The following ZFHX3 variants were observed in gnomAD, a reference collection of about 807,000 sequenced individuals.
The protein encoded by ZFHX3 is zinc finger homeobox protein 3.
Under a neutral mutation model 279.1 loss-of-function variants are expected in ZFHX3, and 42 were observed. The observed-to-expected ratio is 0.15, with a 90% CI of 0.12 to 0.19. The LOEUF (loss-of-function observed/expected upper bound fraction) is 0.19, where lower values mean the gene tolerates loss of function less well. Among genes scored for constraint, ZFHX3 ranks in the 10% least tolerant of loss-of-function variants. The pLI, the probability that ZFHX3 is intolerant of heterozygous loss-of-function variation, is 1.00. For synonymous variants in ZFHX3, 2,293 were observed against 1,957.8 expected (o/e 1.17, Z -4.52); for missense variants, 4,981 against 4,754.0 (o/e 1.05, Z -1.40).
intron 1 of ZFHX3, among the ~76,000 whole-genome samples, chr16:73,711,343 A>G (rs970634104): frequency 6.6e-6 from 1 of 152,238 alleles, no homozygotes; most frequent in Non-Finnish European, 1.5e-5. Flanking sequence ...AGAAGTCAGG[A>G]TTTAATAATT....
chr16:73,534,582 G>T (rs1228570665), intron 2 of ZFHX3, among the ~76,000 whole-genome samples: 1 of 152,162 alleles, frequency 6.6e-6, no homozygotes, highest in African/African-American at 2.4e-5. Context: ...ACAGTAGCTG[G>T]CAGATATTAG....
At chr16:73,557,667 T>A (rs905603299) in intron 2 of ZFHX3, among the ~76,000 whole-genome samples, 1 of 152,120 alleles carries the variant, frequency 6.6e-6, no homozygotes, top group African/African-American at 2.4e-5. Context: ...CTTGTCGTCA[T>A]CTTGTTTTAG....
chr16:73,607,981 G>C (rs1479033754), intron 2 of ZFHX3, among the ~76,000 whole-genome samples: 1 of 152,070 alleles, frequency 6.6e-6, no homozygotes, highest in Non-Finnish European at 1.5e-5. Context: ...CTGAGAGGTA[G>C]GTGGGTTGCC....
chr16:73,732,379 C>G (rs1184878880), intron 1 of ZFHX3, among the ~76,000 whole-genome samples: 1 of 152,164 alleles, frequency 6.6e-6, no homozygotes, highest in African/African-American at 2.4e-5. Flanking sequence ...GCTTTGGGTT[C>G]TTTAAATAAA....
chr16:73,399,968 C>T (rs1174446000), intron 3 of ZFHX3, among the ~76,000 whole-genome samples: 6 of 151,684 alleles, frequency 4.0e-5, no homozygotes, highest in East Asian at 1.9e-4. Context: ...CAGTAACAGA[C>T]GTACTGACAT....
intron 4 of ZFHX3, among the ~76,000 whole-genome samples, chr16:73,257,392 C>G (rs1045325062): frequency 6.6e-6 from 1 of 152,116 alleles, no homozygotes; most frequent in African/African-American, 2.4e-5. Context: ...GAAGATTAGC[C>G]CATGGACTTG....
At chr16:73,272,060 C>A (rs138600142) in intron 4 of ZFHX3, among the ~76,000 whole-genome samples, 263 of 152,304 alleles carry the variant, frequency 1.7e-3, no homozygotes, top group African/African-American at 6.0e-3. Context: ...GTTCACACAG[C>A]CTATGGGATA....
rs894531799 is a variant in ZFHX3, at chr16:73,047,825, C to T, written c.-123G>A. 1.3e-5 allele frequency: 2 copies of T among 152,504 alleles called. No individual in the cohort carries two copies. Among genetic ancestry groups the T allele is most frequent in the Non-Finnish European group, 2.9e-5 (2 of 68,300 alleles). 9.4% of individuals were successfully genotyped at this position (152,504 alleles called of 1,614,324 possible). A position where few individuals can be genotyped will look rare whatever the true frequency, so the allele number is the denominator to read the frequency against. ...GGTCCGGGGGCCGCGCCGCCATGCG[C>T]AACAACGGGAAATTCCAGTGGCACC... On this transcript the variant is annotated 5_prime_UTR_variant, in exon 1 of 10. Transcript: ENST00000268489.
At chr16:72,942,014 A>G (rs1422060851) in intron 3 of ZFHX3, among the ~76,000 whole-genome samples, 3 of 152,234 alleles carry the variant, frequency 2.0e-5, no homozygotes, top group Non-Finnish European at 4.4e-5. Context: ...AATAAAGTAC[A>G]TGGTTCAGGT....
intron 5 of ZFHX3, among the ~76,000 whole-genome samples, chr16:73,190,458 A>G (rs1333970260): frequency 6.6e-6 from 1 of 152,172 alleles, no homozygotes; most frequent in African/African-American, 2.4e-5. Flanking sequence ...AAGAAGAACA[A>G]TTTCAGTTTT....
chr16:73,432,275 A>G lies in ZFHX3; in HGVS notation c.-1291+23728T>C, dbSNP rs138980028. ...GATTACAGTGCTCTCTCTCTCATAC[A>G]TCCAAGACTTGGCCTTGGGGTCTTC... On this transcript the variant is annotated intron_variant, in intron 3 of 17. Coordinates refer to the ZFHX3 transcript ENST00000641206. Among the ~76,000 whole-genome samples, 1,116 of 152,242 alleles carry G rather than the reference A, an allele frequency of 7.3e-3. 15 individuals are homozygous for G. The highest frequency in any genetic ancestry group is 0.025 in the African/African-American group (1,034 of 41,538).
intron 3 of ZFHX3, among the ~76,000 whole-genome samples, chr16:73,366,458 A>G (rs2016530078): frequency 1.3e-5 from 2 of 152,106 alleles, no homozygotes; most frequent in African/African-American, 4.8e-5. Context: ...GGGGCTGGGC[A>G]TGGTGGTTCA....
intron 2 of ZFHX3, among the ~76,000 whole-genome samples, chr16:73,490,461 G>A (rs573301434): frequency 2.6e-5 from 4 of 152,162 alleles, no homozygotes; most frequent in Non-Finnish European, 5.9e-5. Context: ...GACCTGATAC[G>A]TCTGAAATAA....
At chr16:72,942,950 A>C (rs1960481456) in intron 3 of ZFHX3, among the ~76,000 whole-genome samples, 2 of 152,198 alleles carry the variant, frequency 1.3e-5, no homozygotes, top group South Asian at 4.1e-4. Flanking sequence ...ACAGACTCCA[A>C]ATGCCAGGAA....
intron 3 of ZFHX3, among the ~76,000 whole-genome samples, chr16:72,906,458 G>C (rs1192725904): frequency 1.3e-5 from 2 of 151,982 alleles, no homozygotes; most frequent in Non-Finnish European, 1.5e-5. Flanking sequence ...CTGGAGAACT[G>C]TGAGGAATTT....
intron 1 of ZFHX3, among the ~76,000 whole-genome samples, chr16:73,781,281 C>T (rs1959462015): frequency 1.3e-5 from 2 of 152,156 alleles, no homozygotes; most frequent in South Asian, 4.1e-4. Flanking sequence ...ACCTGAAGGC[C>T]TTTGTAAGGC....
chr16:73,295,884 A>C (rs1339152526), intron 4 of ZFHX3, among the ~76,000 whole-genome samples: 1 of 152,232 alleles, frequency 6.6e-6, no homozygotes, highest in African/African-American at 2.4e-5. Flanking sequence ...CCTCCTCTGC[A>C]GGAAGTAGCT....
At chr16:73,317,887 C>T (rs945849087) in intron 4 of ZFHX3, among the ~76,000 whole-genome samples, 3 of 152,186 alleles carry the variant, frequency 2.0e-5, no homozygotes, top group Non-Finnish European at 4.4e-5. Context: ...AGGGAATTCC[C>T]ATTCCCAATC....
intron 3 of ZFHX3, among the ~76,000 whole-genome samples, chr16:72,904,805 C>T (rs2039131047): frequency 6.6e-6 from 1 of 152,052 alleles, no homozygotes; most frequent in Admixed American, 6.6e-5. Context: ...CAGGTGGTCC[C>T]GATCAGGGCC....
Sources: allele counts gnomAD v4.1 joint callset (sites outside exome capture counted in the v4.1 genomes callset), GRCh38; gene constraint gnomAD v4.1.1; transcripts MANE v1.5; gene names NCBI Gene and HGNC (gene_info 2026-07-23, HGNC 2026-07-21).